The following CADM1 variants were observed in gnomAD, a reference collection of about 807,000 sequenced individuals.
The protein encoded by CADM1 is TSLC-1.
A neutral mutation model predicts 53.1 loss-of-function variants in CADM1; 15 were observed. The ratio of observed to expected loss-of-function variants is 0.28; its 90% CI spans 0.19 to 0.44. The LOEUF is 0.44. CADM1 is among the 20% of genes least tolerant of loss of function. The pLI is 1.00. For synonymous variants in CADM1, 281 were observed against 243.0 expected (o/e 1.16, Z -1.45); for missense variants, 434 against 611.3 (o/e 0.71, Z 3.06).
chr11:115,232,811 C>G (rs1668732416), intron 3 of CADM1, among the ~76,000 whole-genome samples: 1 of 152,150 alleles, frequency 6.6e-6, no homozygotes, highest in South Asian at 2.1e-4. Context: ...GAATATATGT[C>G]CTGACCACCA....
At position 115,250,398 on chromosome 11, in the gene CADM1, G is replaced by A. The variant is rs367586022; in HGVS notation, c.125-9978C>T. 1.6e-4 allele frequency among the ~76,000 whole-genome samples: 25 copies of A among 152,214 alleles called. No homozygotes were observed. The East Asian group carries it at 3.1e-3, about 19-fold the overall frequency. On this transcript the variant is annotated intron_variant, in intron 1 of 11. Transcript: ENST00000331581. ...CACTTTTCACTTCAGCTCACTAAAA[G>A]CTGGGTTTTTCCCCCTTTACATTTG...
In CADM1 at chr11:115,305,040, C is replaced by T. The variant is rs114676189; in HGVS notation, c.125-64620G>A. 7.9e-3 allele frequency among the ~76,000 whole-genome samples: 1,204 copies of T among 152,024 alleles called. 16 individuals carry two copies. The highest frequency in any genetic ancestry group is 0.028 in the African/African-American group (1,153 of 41,472). ...CTGCACAGACTGTCTCAACCATGCA[C>T]GAAATAGACACCTAGACAGGAGACA... On this transcript the variant is annotated intron_variant, in intron 1 of 11. Transcript: ENST00000331581.
At chr11:115,380,354 A>G (rs1212412697) in intron 1 of CADM1, among the ~76,000 whole-genome samples, 4 of 152,280 alleles carry the variant, frequency 2.6e-5, no homozygotes, top group Middle Eastern at 3.4e-3. Flanking sequence ...TTATTCTCTT[A>G]AAAGTGCTAC....
chr11:115,489,760 CAGA>C (rs1312913044), intron 1 of CADM1, among the ~76,000 whole-genome samples: 4 of 152,090 alleles, frequency 2.6e-5, no homozygotes, highest in Admixed American at 6.5e-5. Context: ...TAGGGAAGTA[CAGA>C]AGAAGGGTTC....
Position 115,172,483 on chromosome 11 carries a change from T to A in CADM1, c.*3991A>T, listed in dbSNP as rs1229892912. ...ACCATCCTTTAAGATCCAGCTGGGG[T>A]CCCAGCTCTTTGTGAAGCTGTCTAG... is the stretch of plus-strand genomic sequence containing the variant. On this transcript the variant is annotated 3_prime_UTR_variant, in exon 12 of 12. Transcript: ENST00000331581. 1 of 152,162 alleles carries A rather than the reference T, an allele frequency of 6.6e-6. No homozygotes were observed. The highest frequency in any genetic ancestry group is 6.5e-5 in the Admixed American group (1 of 15,272). 9.4% of individuals were successfully genotyped at this position (152,162 alleles called of 1,614,324 possible).
At chr11:115,309,620 C>T (rs529689926) in intron 1 of CADM1, among the ~76,000 whole-genome samples, 5 of 152,038 alleles carry the variant, frequency 3.3e-5, no homozygotes, top group South Asian at 2.1e-4. Context: ...CCAGAAATGC[C>T]GAGCTTTTCT....
At chr11:115,433,947 A>T (rs1404561900) in intron 1 of CADM1, among the ~76,000 whole-genome samples, 2 of 152,234 alleles carry the variant, frequency 1.3e-5, no homozygotes, top group African/African-American at 4.8e-5. Context: ...CAATGTTTCA[A>T]ATAGCCCCCT....
chr11:115,383,217 C>T (rs531594332), intron 1 of CADM1, among the ~76,000 whole-genome samples: 91 of 152,298 alleles, frequency 6.0e-4, no homozygotes, highest in African/African-American at 2.2e-3. Context: ...TAGATAGCTA[C>T]AGGCAACTGA....
At chr11:115,395,681 C>A (rs1946977502) in intron 1 of CADM1, among the ~76,000 whole-genome samples, 1 of 152,094 alleles carries the variant, frequency 6.6e-6, no homozygotes, top group South Asian at 2.1e-4. Flanking sequence ...CTTAACCTTG[C>A]CTACTTTAAT....
At chr11:115,198,331 A>T (rs1274926313) in intron 9 of CADM1, 75 bp downstream of exon 9, 3 of 1,116,022 alleles carry the variant, frequency 2.7e-6, no homozygotes, top group South Asian at 2.6e-5. Context: ...TGAAGACTAC[A>T]TTTCTCTTTT....
intron 1 of CADM1, among the ~76,000 whole-genome samples, chr11:115,483,169 C>T (rs914057195): frequency 2.6e-5 from 4 of 152,100 alleles, no homozygotes; most frequent in African/African-American, 9.7e-5. Context: ...GAAAATTATA[C>T]GTTCAGTATA....
In CADM1 at chr11:115,229,235, G is replaced by C. The variant is rs1941729675; in HGVS notation, c.599C>G (p.Thr200Ser). ...SEVEEWSDMY[T>S]VTSQLMLKVH... is the part of the protein sequence containing the mutation. ...CTTCAGCATCAGCTGACTGGTCACA[G>C]TGTACATGTCTGACCACTCTTCCAC... Residue 200 changes from threonine to serine, a missense_variant, in exon 5 of 12, where the codon ACT becomes AGT. Physicochemically the swap from Thr to Ser is moderately conservative, Grantham distance 58. Coordinates refer to ENST00000331581, the MANE Select transcript of CADM1 (RefSeq NM_001301043.2). 1 of 1,614,024 alleles carries C rather than the reference G, an allele frequency of 6.2e-7. No individual in the cohort carries two copies. The highest frequency in any genetic ancestry group is 8.5e-7 in the Non-Finnish European group (1 of 1,179,996).
chr11:115,200,173 T>C (rs1437404127), intron 8 of CADM1, among the ~76,000 whole-genome samples: 30 of 152,180 alleles, frequency 2.0e-4, no homozygotes, highest in Admixed American at 2.0e-3. Context: ...AAACATACAA[T>C]ATACCGCATA....
intron 1 of CADM1, among the ~76,000 whole-genome samples, chr11:115,295,512 A>T (rs1362793408): frequency 5.7e-5 from 2 of 35,214 alleles, no homozygotes; most frequent in East Asian, 3.2e-3. Context: ...TATTTTATAT[A>T]TATATATATA....
chr11:115,365,095 C>T (rs1485231780), intron 1 of CADM1, among the ~76,000 whole-genome samples: 3 of 152,184 alleles, frequency 2.0e-5, no homozygotes, highest in African/African-American at 7.2e-5. Flanking sequence ...TGGTGGACTT[C>T]TCTAATGTAC....
rs367800520 is a variant in CADM1 at position 115,240,346 on chromosome 11, T to C, written c.199A>G (p.Asn67Asp). The change falls in exon 2 of 12, where the codon AAT becomes GAT. Residue 67 changes from asparagine to aspartate, a missense_variant. Coordinates refer to ENST00000331581, the MANE Select transcript of CADM1 (RefSeq NM_001301043.2). ...GEVATISCQV[N>D]KSDDSVIQLL... The stretch of plus-strand genomic sequence containing the variant: ...TGAATCACAGAGTCGTCACTCTTAT[T>C]GACTTGGCAACTGATGGTCGCAACC... 7 of 1,613,872 alleles carry C rather than the reference T, an allele frequency of 4.3e-6. No homozygotes were observed. The highest frequency in any genetic ancestry group is 5.1e-6 in the Non-Finnish European group (6 of 1,179,876).
intron 8 of CADM1, among the ~76,000 whole-genome samples, chr11:115,203,402 GGTA>G (rs1462990840): frequency 6.6e-6 from 1 of 152,118 alleles, no homozygotes. Flanking sequence ...TTGCCACGAG[GGTA>G]GTGATGGAGA....
At chr11:115,303,116 G>T (rs1944275691) in intron 1 of CADM1, among the ~76,000 whole-genome samples, 1 of 152,008 alleles carries the variant, frequency 6.6e-6, no homozygotes, top group South Asian at 2.1e-4. Context: ...GGTTCAGATG[G>T]GTGTGGTACA....
chr11:115,388,808 A>G (rs1328010279), intron 1 of CADM1, among the ~76,000 whole-genome samples: 2 of 152,140 alleles, frequency 1.3e-5, no homozygotes, highest in African/African-American at 4.8e-5. Context: ...AAGTAGATTG[A>G]AGAGACATAA....
Sources: gnomAD v4.1 joint callset for allele counts (sites outside exome capture counted in the v4.1 genomes callset) on GRCh38, gnomAD v4.1.1 for gene constraint, MANE v1.5 for transcripts, NCBI Gene and HGNC (gene_info 2026-07-23, HGNC 2026-07-21) for gene names.